RANBP2: variants seen among roughly 807,000 people sequenced by gnomAD.
RANBP2 encodes the protein E3 SUMO-protein ligase RanBP2.
A neutral mutation model predicts 303.6 loss-of-function variants in RANBP2; 57 were observed. The observed-to-expected ratio is 0.19, with a 90% CI of 0.15 to 0.23. The LOEUF (loss-of-function observed/expected upper bound fraction) is 0.23. Ranked by LOEUF, RANBP2 falls within the 10% of genes least tolerant of loss-of-function variation. The pLI is 1.00. For missense variants in RANBP2, 3,138 were observed against 3,780.8 expected (o/e 0.83, Z 4.46); for synonymous variants, 1,167 against 1,301.5 (o/e 0.90, Z 2.23).
chr2:108,936,812 G>A, the RANBP2 span, among the ~76,000 whole-genome samples: 1,304 of 152,302 alleles, frequency 8.6e-3, 20 homozygotes, highest in African/African-American at 0.03. Context: ...TGCTTTAGTC[G>A]GATCTGTTTC....
At chr2:109,340,134 G>A in the RANBP2 span, among the ~76,000 whole-genome samples, 2 of 152,194 alleles carry the variant, frequency 1.3e-5, no homozygotes, top group African/African-American at 2.4e-5. Flanking sequence ...TACTTTGAGG[G>A]GGTGATGTGT....
the RANBP2 span, among the ~76,000 whole-genome samples, chr2:109,327,083 TC>T: frequency 6.6e-6 from 1 of 152,272 alleles, no homozygotes; most frequent in Non-Finnish European, 1.5e-5. Flanking sequence ...TAAATGTTGT[TC>T]CACTGAACAT....
chr2:109,390,245 C>T, the RANBP2 span, among the ~76,000 whole-genome samples: 6 of 152,188 alleles, frequency 3.9e-5, no homozygotes, highest in East Asian at 9.6e-4. Flanking sequence ...TGCCCATAAA[C>T]TACCAGTTTA....
chr2:109,037,461 A>G, the RANBP2 span, among the ~76,000 whole-genome samples: 1 of 152,194 alleles, frequency 6.6e-6, no homozygotes, highest in Admixed American at 6.5e-5. Flanking sequence ...CTGACCACTG[A>G]AATAAGACAA....
the RANBP2 span, among the ~76,000 whole-genome samples, chr2:108,940,742 G>A: frequency 8.5e-5 from 13 of 152,224 alleles, no homozygotes; most frequent in African/African-American, 1.2e-4. Context: ...GCTTCCAGGG[G>A]CAACAGTGCA....
the RANBP2 span, among the ~76,000 whole-genome samples, chr2:109,539,043 T>C: frequency 1.3e-5 from 2 of 152,110 alleles, no homozygotes; most frequent in African/African-American, 2.4e-5. Context: ...TTCACGCCTG[T>C]ATTTCCAACA....
At chr2:109,649,467 G>A in the RANBP2 span, among the ~76,000 whole-genome samples, 2 of 151,782 alleles carry the variant, frequency 1.3e-5, no homozygotes, top group Admixed American at 6.6e-5. Flanking sequence ...GCGTGATCTC[G>A]GGTCACTGCA....
chr2:109,262,187 C>CT, the RANBP2 span, among the ~76,000 whole-genome samples: 34 of 152,316 alleles, frequency 2.2e-4, no homozygotes, highest in East Asian at 5.4e-3. Flanking sequence ...TTGTATTTGT[C>CT]TAACAGTCTT....
At chr2:109,126,549 T>A in the RANBP2 span, among the ~76,000 whole-genome samples, 47 of 151,874 alleles carry the variant, frequency 3.1e-4, no homozygotes, top group African/African-American at 1.1e-3. Flanking sequence ...AGTGATAGAG[T>A]TTTAGAACTT....
chr2:109,270,252 C>T, the RANBP2 span, among the ~76,000 whole-genome samples: 1 of 152,188 alleles, frequency 6.6e-6, no homozygotes, highest in Non-Finnish European at 1.5e-5. Context: ...TAGGCTGGAA[C>T]ACCTGAAGCG....
the RANBP2 span, among the ~76,000 whole-genome samples, chr2:109,675,910 T>A: frequency 1.3e-5 from 2 of 152,124 alleles, no homozygotes; most frequent in African/African-American, 4.8e-5. Context: ...TGTTGTGAGG[T>A]TCCACCTCGA....
At chr2:109,252,449 C>T in the RANBP2 span, among the ~76,000 whole-genome samples, 1 of 152,248 alleles carries the variant, frequency 6.6e-6, no homozygotes, top group African/African-American at 2.4e-5. Flanking sequence ...TGTCTTTTTA[C>T]AGGCCTTCAG....
the RANBP2 span, among the ~76,000 whole-genome samples, chr2:109,205,701 A>T: frequency 2.0e-5 from 3 of 152,164 alleles, no homozygotes; most frequent in Admixed American, 2.0e-4. Flanking sequence ...CTCTGGGCAG[A>T]GGTGTTGTTT....
the RANBP2 span, among the ~76,000 whole-genome samples, chr2:109,055,695 T>C: frequency 6.6e-6 from 1 of 151,204 alleles, no homozygotes. Flanking sequence ...CCTTTTCATT[T>C]TCTTACAAGT....
chr2:108,842,461 G>A, the RANBP2 span, among the ~76,000 whole-genome samples: 1 of 152,104 alleles, frequency 6.6e-6, no homozygotes, highest in African/African-American at 2.4e-5. Context: ...GGGACCTGTG[G>A]GCAAGTGCCC....
At chr2:109,344,139 G>T in the RANBP2 span, among the ~76,000 whole-genome samples, 23,845 of 152,182 alleles carry the variant, frequency 0.16, 1,966 homozygotes, top group Middle Eastern at 0.23. Flanking sequence ...ATATAGAGGG[G>T]ACCTGCTACG....
At chr2:108,956,793 T>G in the RANBP2 span, among the ~76,000 whole-genome samples, 1,557 of 151,838 alleles carry the variant, frequency 0.01, 25 homozygotes, top group African/African-American at 0.035. Flanking sequence ...TCTTTTTTTT[T>G]TTGTTTTTTT....
the RANBP2 span, among the ~76,000 whole-genome samples, chr2:109,410,275 C>G: frequency 6.6e-6 from 1 of 152,236 alleles, no homozygotes; most frequent in Non-Finnish European, 1.5e-5. Context: ...CCAATCTTTA[C>G]TGACTAGCAG....
intron 9 of RANBP2, among the ~76,000 whole-genome samples, chr2:108,750,418 AG>A (rs1458457010): frequency 6.6e-6 from 1 of 152,348 alleles, no homozygotes; most frequent in African/African-American, 2.4e-5. Flanking sequence ...TTCAACAAAA[AG>A]TGTCTTCATT....
Sources: gnomAD v4.1 joint callset for allele counts (sites outside exome capture counted in the v4.1 genomes callset) on GRCh38, gnomAD v4.1.1 for gene constraint, MANE v1.5 for transcripts, NCBI Gene and HGNC (gene_info 2026-07-23, HGNC 2026-07-21) for gene names.